Variants in PDE1C observed in about 807,000 individuals in gnomAD.
The protein encoded by PDE1C is phosphodiesterase 1C.
Under a neutral mutation model 93.1 loss-of-function variants are expected in PDE1C, and 62 were observed. That is an observed-to-expected ratio of 0.67 (90% confidence interval 0.54 to 0.82). The LOEUF (loss-of-function observed/expected upper bound fraction) is 0.82, where lower values mean the gene tolerates loss of function less well. Ranked by LOEUF, PDE1C falls within the 40% of genes least tolerant of loss-of-function variation. The probability of loss-of-function intolerance (pLI) is 0.00; values close to 1 mark genes in which losing one functional copy is unlikely to be tolerated. For missense variants in PDE1C, 742 were observed against 884.6 expected, an observed-to-expected ratio of 0.84 and a Z score of 2.04; for synonymous variants, 325 against 310.1, an observed-to-expected ratio of 1.05 and a Z score of -0.50.
chr7:32,311,637 G>A (rs1455967460), intron 1 of PDE1C, among the ~76,000 whole-genome samples: 2 of 151,556 alleles, frequency 1.3e-5, no homozygotes, highest in African/African-American at 2.4e-5. Context: ...CATATAAACA[G>A]AACCAAAGAT....
At chr7:32,127,399 G>C (rs1016074197) in intron 3 of PDE1C, among the ~76,000 whole-genome samples, 1 of 152,036 alleles carries the variant, frequency 6.6e-6, no homozygotes, top group Non-Finnish European at 1.5e-5. Flanking sequence ...TTAGAATACA[G>C]AGAAAATAAC....
In PDE1C at chr7:31,929,576, A is replaced by C. The variant is rs148282357; in HGVS notation, c.129-48716T>G. Among the ~76,000 whole-genome samples the C allele has an allele frequency of 4.4e-4, 67 of 152,078 alleles. No individual in the cohort carries two copies. In the East Asian group the frequency reaches 0.013, roughly 29 times the overall value. Reference sequence around the variant, plus strand: ...CAGCAAATGCAAAAGAATGGAAAACATAACAGTCTCTCAGACAACAGTGCA... The same window carrying C: ...CAGCAAATGCAAAAGAATGGAAAACCTAACAGTCTCTCAGACAACAGTGCA... On this transcript the variant is annotated intron_variant, in intron 2 of 17. Transcript: ENST00000396191.
At chr7:31,873,450 A>T in intron 5 of PDE1C, 42 bp from the exon 6 acceptor site, 1 of 1,161,310 alleles carries the variant, frequency 8.6e-7, no homozygotes, top group South Asian at 1.3e-5. Flanking sequence ...TAGCCCACAG[A>T]CACTTACACA....
At chr7:32,256,583 T>C (rs946588544) in intron 1 of PDE1C, among the ~76,000 whole-genome samples, 5 of 152,194 alleles carry the variant, frequency 3.3e-5, no homozygotes, top group African/African-American at 1.2e-4. Context: ...CAGATTCCTG[T>C]TGCCCACTCA....
At chr7:31,623,459 T>A in the PDE1C span, among the ~76,000 whole-genome samples, 1 of 151,212 alleles carries the variant, frequency 6.6e-6, no homozygotes, top group African/African-American at 2.4e-5. Context: ...TATACGCAAA[T>A]CAATAAATGT....
At chr7:31,743,115 C>T in the PDE1C span, among the ~76,000 whole-genome samples, 2 of 152,148 alleles carry the variant, frequency 1.3e-5, no homozygotes, top group Non-Finnish European at 2.9e-5. Context: ...TTCTCCTACC[C>T]TCTACCAATC....
chr7:32,259,820 C>T (rs1810071788), intron 1 of PDE1C, among the ~76,000 whole-genome samples: 1 of 152,128 alleles, frequency 6.6e-6, no homozygotes, highest in Admixed American at 6.5e-5. Context: ...CCCACGAGCC[C>T]CTCCTGCCCC....
the PDE1C span, among the ~76,000 whole-genome samples, chr7:31,650,960 A>G: frequency 2.0e-5 from 3 of 152,124 alleles, no homozygotes; most frequent in East Asian, 5.8e-4. Context: ...GCAGATGAGC[A>G]CTGTCACTAG....
At chr7:32,335,262 C>T (rs1346242877) in intron 1 of PDE1C, among the ~76,000 whole-genome samples, 1 of 152,178 alleles carries the variant, frequency 6.6e-6, no homozygotes, top group Non-Finnish European at 1.5e-5. Context: ...GTGTGTGACC[C>T]TGAATGAGTC....
At chr7:32,015,752 G>C (rs1273938141) in intron 2 of PDE1C, among the ~76,000 whole-genome samples, 2 of 151,998 alleles carry the variant, frequency 1.3e-5, no homozygotes, top group Admixed American at 6.6e-5. Flanking sequence ...AAAGATACAT[G>C]GTTAATATTT....
intron 15 of PDE1C, among the ~76,000 whole-genome samples, chr7:31,813,660 T>A (rs572000445): frequency 4.3e-4 from 66 of 152,272 alleles, no homozygotes; most frequent in African/African-American, 1.4e-3. Flanking sequence ...TTATTTTTTT[T>A]AATTTTTATT....
chr7:32,230,885 A>G (rs1807646315), intron 1 of PDE1C, among the ~76,000 whole-genome samples: 2 of 151,582 alleles, frequency 1.3e-5, no homozygotes, highest in Admixed American at 1.3e-4. Flanking sequence ...TTAGTCACCA[A>G]CAGATCTCTG....
chr7:32,246,081 G>A (rs116233703), intron 1 of PDE1C, among the ~76,000 whole-genome samples: 2,891 of 146,650 alleles, frequency 0.02, 84 homozygotes, highest in African/African-American at 0.068. Flanking sequence ...CAGTCCTCAC[G>A]CCCCAGCCTC....
rs374837891 is a variant in PDE1C at position 31,961,908 on chromosome 7, A to G, written c.129-81048T>C. 9.1e-4 allele frequency among the ~76,000 whole-genome samples: 139 copies of G among 152,300 alleles called. 6 individuals carry two copies. In the South Asian group the frequency reaches 0.028, roughly 31 times the overall value. On this transcript the variant is annotated intron_variant, in intron 2 of 17. Coordinates refer to ENST00000396191, the MANE Select transcript of PDE1C (RefSeq NM_001191057.4). Reference sequence around the variant, plus strand: ...GAGGAAAGTTGTTATTAGCAAAAATAAATCCTGACTCAGATTGCTGAGATG... The same window carrying G: ...GAGGAAAGTTGTTATTAGCAAAAATGAATCCTGACTCAGATTGCTGAGATG...
chr7:31,889,346 T>C (rs1583808291), intron 2 of PDE1C, among the ~76,000 whole-genome samples: 2 of 152,326 alleles, frequency 1.3e-5, no homozygotes, highest in Non-Finnish European at 2.9e-5. Flanking sequence ...TGTATTTTTA[T>C]ATTCATATAA....
chr7:31,656,586 A>G, the PDE1C span: 1 of 597,800 alleles, frequency 1.7e-6, no homozygotes, highest in East Asian at 1.4e-4. Flanking sequence ...TGATGAATGA[A>G]TGAGATGAGG....
chr7:31,958,189 C>G (rs529392481), intron 2 of PDE1C, among the ~76,000 whole-genome samples: 2 of 152,294 alleles, frequency 1.3e-5, no homozygotes, highest in Non-Finnish European at 2.9e-5. Flanking sequence ...AAGGTTTGAC[C>G]TCAGTTTCCG....
rs181245461 is a variant in PDE1C at position 31,850,180 on chromosome 7, C to T, written c.851+461G>A. ...GTGCAAGCACTAAACAGAGCAGATA[C>T]GAAATCAGAGAGGATGAGAAGAGAT... On this transcript the variant is annotated intron_variant, in intron 8 of 17. Coordinates refer to ENST00000396191, the MANE Select transcript of PDE1C (RefSeq NM_001191057.4). Among the ~76,000 whole-genome samples, 235 of 152,074 alleles carry T rather than the reference C, an allele frequency of 1.5e-3. 1 individual carries two copies. Among genetic ancestry groups the T allele is most frequent in the African/African-American group, 4.7e-3 (194 of 41,488 alleles).
intron 3 of PDE1C, among the ~76,000 whole-genome samples, chr7:32,096,412 C>T (rs1245598007): frequency 2.0e-5 from 3 of 152,150 alleles, no homozygotes; most frequent in African/African-American, 7.2e-5. Flanking sequence ...CTTTTTAAAT[C>T]TTCAGTTGTA....
Sources: gnomAD v4.1 joint callset for allele counts (sites outside exome capture counted in the v4.1 genomes callset) on GRCh38, gnomAD v4.1.1 for gene constraint, MANE v1.5 for transcripts, NCBI Gene and HGNC (gene_info 2026-07-23, HGNC 2026-07-21) for gene names.